Variants in CAMK2A observed in about 807,000 individuals in gnomAD.
CAMK2A encodes the protein calcium/calmodulin-dependent protein kinase type II subunit alpha.
In CAMK2A, 7 loss-of-function variants were observed where a neutral mutation model predicts 79.2. The ratio of observed to expected loss-of-function variants is 0.09; its 90% CI spans 0.05 to 0.17. The LOEUF (loss-of-function observed/expected upper bound fraction) is 0.17, where lower values mean the gene tolerates loss of function less well. CAMK2A is among the 10% of genes least tolerant of loss of function. CAMK2A has a pLI of 1.00. For synonymous variants in CAMK2A, 242 were observed against 251.7 expected (o/e 0.96, Z 0.36); for missense variants, 214 against 646.4 (o/e 0.33, Z 7.25).
chr5:150,245,338 G>GCCTCCTCCGCCTCCT, intron 12 of CAMK2A, 137 bp from the exon 13 acceptor site: 1 of 658,456 alleles, frequency 1.5e-6, no homozygotes, highest in Non-Finnish European at 2.6e-6. Context: ...CCTGGGGGAG[G>GCCTCCTCCGCCTCCT]CCTCCTCCTC....
intron 1 of CAMK2A, among the ~76,000 whole-genome samples, chr5:150,279,481 T>C (rs1757120468): frequency 1.3e-5 from 2 of 152,176 alleles, no homozygotes; most frequent in Admixed American, 1.3e-4. Flanking sequence ...GATAATAAGG[T>C]AGGCAATGAG....
chr5:150,249,648 A>G (rs907483262), intron 11 of CAMK2A, among the ~76,000 whole-genome samples: 3 of 151,984 alleles, frequency 2.0e-5, no homozygotes, highest in African/African-American at 7.3e-5. Flanking sequence ...CCCAGGTTCA[A>G]GCAATTTTCC....
rs573885826 is a variant in CAMK2A, at chr5:150,242,302, A to G, written c.985-2566T>C. ...TCTCCCTCTTTCACCAAAAGTAGAAACCGCATCTCTTAGAATCACATGTGG... is the reference window on the plus strand; with the variant it reads ...TCTCCCTCTTTCACCAAAAGTAGAAGCCGCATCTCTTAGAATCACATGTGG... On this transcript the variant is annotated intron_variant, in intron 13 of 18. Coordinates refer to ENST00000671881, the MANE Select transcript of CAMK2A (RefSeq NM_015981.4). Among the ~76,000 whole-genome samples, 13 of 152,304 alleles carry G rather than the reference A, an allele frequency of 8.5e-5. No individual in the cohort carries two copies. The South Asian group carries it at 2.7e-3, about 32-fold the overall frequency.
At chr5:150,247,729 C>G in intron 12 of CAMK2A, 43 bp downstream of exon 12, 2 of 1,560,606 alleles carry the variant, frequency 1.3e-6, no homozygotes, top group Non-Finnish European at 1.8e-6. Context: ...CCCCAACGAA[C>G]TGGTGCAGGG....
intron 14 of CAMK2A, among the ~76,000 whole-genome samples, chr5:150,239,417 G>A (rs1047253985): frequency 6.6e-6 from 1 of 152,208 alleles, no homozygotes; most frequent in Non-Finnish European, 1.5e-5. Context: ...GAAGCGAGAA[G>A]CCAAGGTCTG....
At chr5:150,266,489 G>T (rs1007283939) in intron 2 of CAMK2A, among the ~76,000 whole-genome samples, 1 of 152,174 alleles carries the variant, frequency 6.6e-6, no homozygotes, top group Non-Finnish European at 1.5e-5. Flanking sequence ...AAAACTCTGT[G>T]CCAAGCACTG....
intron 15 of CAMK2A, among the ~76,000 whole-genome samples, chr5:150,233,284 C>A (rs1488396385): frequency 6.6e-6 from 1 of 152,222 alleles, no homozygotes; most frequent in Non-Finnish European, 1.5e-5. Context: ...ATAATTAGCT[C>A]CAGTGGAGCT....
intron 2 of CAMK2A, among the ~76,000 whole-genome samples, chr5:150,267,172 G>T (rs1756547273): frequency 6.6e-6 from 1 of 152,172 alleles, no homozygotes; most frequent in African/African-American, 2.4e-5. Flanking sequence ...GGTAGGGGAG[G>T]CTGACTTCTG....
chr5:150,224,874 G>A (rs1263860813), intron 17 of CAMK2A, among the ~76,000 whole-genome samples: 1 of 136,198 alleles, frequency 7.3e-6, no homozygotes, highest in African/African-American at 2.7e-5. Flanking sequence ...CTAAAAGTCA[G>A]TTTTGGCCGG....
At chr5:150,257,773 C>A (rs569302870) in intron 3 of CAMK2A, among the ~76,000 whole-genome samples, 156 bp from the exon 4 acceptor site, 36 of 152,234 alleles carry the variant, frequency 2.4e-4, no homozygotes, top group African/African-American at 7.9e-4. Flanking sequence ...CGCTGGTGAA[C>A]AAGGGCTCAC....
At chr5:150,279,613 A>C (rs1263856603) in intron 1 of CAMK2A, among the ~76,000 whole-genome samples, 2 of 152,220 alleles carry the variant, frequency 1.3e-5, no homozygotes, top group Admixed American at 1.3e-4. Context: ...TTGTTTGCCA[A>C]GCTCGGGGAA....
intron 1 of CAMK2A, among the ~76,000 whole-genome samples, chr5:150,280,343 T>A (rs1386637250): frequency 6.6e-6 from 1 of 152,314 alleles, no homozygotes; most frequent in Non-Finnish European, 1.5e-5. Flanking sequence ...TAGTCTTTAG[T>A]GTCTGCTCTT....
At chr5:150,226,324 C>T (rs1178748423) in intron 17 of CAMK2A, among the ~76,000 whole-genome samples, 1 of 152,182 alleles carries the variant, frequency 6.6e-6, no homozygotes, top group African/African-American at 2.4e-5. Flanking sequence ...AGTCACTTCT[C>T]TCTGAGTCTC....
At chr5:150,236,883 T>C (rs1755093447) in intron 15 of CAMK2A, among the ~76,000 whole-genome samples, 1 of 152,202 alleles carries the variant, frequency 6.6e-6, no homozygotes, top group African/African-American at 2.4e-5. Flanking sequence ...CGTTCATTCA[T>C]TCATTTTTTT....
At chr5:150,253,186 G>A (rs191778193) in intron 7 of CAMK2A, among the ~76,000 whole-genome samples, 1 of 152,314 alleles carries the variant, frequency 6.6e-6, no homozygotes, top group East Asian at 1.9e-4. Context: ...TGGCGGAGGG[G>A]AGTGACAGGA....
chr5:150,228,838 G>A (rs1415262252), intron 16 of CAMK2A, among the ~76,000 whole-genome samples: 1 of 152,234 alleles, frequency 6.6e-6, no homozygotes, highest in African/African-American at 2.4e-5. Flanking sequence ...TTGGCTGTGA[G>A]CCTCAGTTTC....
chr5:150,274,913 A>G (rs937694154), intron 1 of CAMK2A, among the ~76,000 whole-genome samples: 1 of 152,240 alleles, frequency 6.6e-6, no homozygotes, highest in African/African-American at 2.4e-5. Context: ...GCTTATGGGC[A>G]GCTCCGAGCC....
chr5:150,229,619 G>T (rs1754755734), intron 16 of CAMK2A, among the ~76,000 whole-genome samples: 1 of 152,178 alleles, frequency 6.6e-6, no homozygotes, highest in Non-Finnish European at 1.5e-5. Context: ...CATCACATAG[G>T]TGGGAGGGGT....
chr5:150,250,063 T>C lies in CAMK2A; in HGVS notation c.900+163A>G, dbSNP rs549263000. On this transcript the variant is annotated intron_variant, in intron 11 of 18. Coordinates refer to ENST00000671881, the MANE Select transcript of CAMK2A (RefSeq NM_015981.4). ...GAGCAAGGGCTCAGTCATTCACCGC[T>C]CACTCCCCAAGCCCAACCTGCTGTC... Among the ~76,000 whole-genome samples, 19 of 152,278 alleles carry C rather than the reference T, an allele frequency of 1.2e-4. No individual in the cohort carries two copies. In the East Asian group the frequency reaches 3.7e-3, roughly 29 times the overall value.
Sources: allele counts gnomAD v4.1 joint callset (sites outside exome capture counted in the v4.1 genomes callset), GRCh38; gene constraint gnomAD v4.1.1; transcripts MANE v1.5; gene names NCBI Gene and HGNC (gene_info 2026-07-23, HGNC 2026-07-21).